GLI4: variants seen among roughly 807,000 people sequenced by gnomAD.
GLI4 encodes the protein GLI family zinc finger 4.
A neutral mutation model predicts 30.9 loss-of-function variants in GLI4; 34 were observed. The ratio of observed to expected loss-of-function variants is 1.10; its 90% CI spans 0.84 to 1.47. The LOEUF is 1.47. Ranked by LOEUF, GLI4 falls within the 40% of genes most tolerant of loss-of-function variation. The pLI, the probability that GLI4 is intolerant of heterozygous loss-of-function variation, is 0.00. For synonymous variants in GLI4, 277 were observed against 236.7 expected, an observed-to-expected ratio of 1.17 and a Z score of -1.56; for missense variants, 696 against 538.9, an observed-to-expected ratio of 1.29 and a Z score of -2.89.
chr8:143,268,059 G>A, intron 1 of GLI4: 1 of 985,462 alleles, frequency 1.0e-6, no homozygotes, highest in Non-Finnish European at 1.2e-6. Flanking sequence ...CCAAGCCAGG[G>A]TCGGGGTGAT....
intron 2 of GLI4, among the ~76,000 whole-genome samples, chr8:143,272,208 G>C (rs1416706800): frequency 6.6e-6 from 1 of 152,170 alleles, no homozygotes; most frequent in Non-Finnish European, 1.5e-5. Flanking sequence ...CCCATGGGCA[G>C]GGCAGGGCCA....
rs1815384981 is a variant in GLI4, at chr8:143,276,256, A to G, written c.583A>G (p.Asn195Asp). The change falls in exon 4 of 4, where the codon AAC becomes GAC. Residue 195 changes from asparagine (N) to aspartate (D), a missense_variant. By Grantham distance (23) the Asn-to-Asp change is conservative (BLOSUM62 1). Coordinates refer to ENST00000340042, the MANE Select transcript of GLI4 (RefSeq NM_138465.4). ...CEACGKSFKY[N>D]SLLLKHQRIH... ...GGCCTGCGGCAAGAGTTTCAAGTAT[A>G]ACTCGCTGCTCCTGAAGCACCAGCG... The G allele has an allele frequency of 6.2e-7, 1 of 1,611,364 alleles. No homozygotes were observed. Among genetic ancestry groups the G allele is most frequent in the Non-Finnish European group, 8.5e-7 (1 of 1,179,214 alleles).
chr8:143,271,853 A>C (rs1057268401), intron 2 of GLI4, among the ~76,000 whole-genome samples: 13 of 152,230 alleles, frequency 8.5e-5, no homozygotes, highest in Admixed American at 6.5e-4. Context: ...ACTTGGGGCC[A>C]TGGCCTAGCC....
In GLI4 at chr8:143,276,344, C is replaced by CG. The variant is rs766990856; in HGVS notation, c.674dup (p.Phe226LeufsTer67). On this transcript the variant is annotated frameshift_variant, in exon 4 of 4. Transcript: ENST00000340042. LOFTEE classifies it high-confidence loss of function. ...TGCGGCAAGCGCTTCCGCGGCTGGT[C>CG]GGGCTTCATCCAGCACCACCGCATC... is the stretch of plus-strand genomic sequence containing the variant. The CG allele has an allele frequency of 6.2e-7, 1 of 1,610,564 alleles. No individual in the cohort carries two copies. The highest frequency in any genetic ancestry group is 8.5e-7 in the Non-Finnish European group (1 of 1,179,076).
chr8:143,273,863 ACT>A (rs1815324634), intron 2 of GLI4, among the ~76,000 whole-genome samples: 3 of 11,600 alleles, frequency 2.6e-4, no homozygotes, highest in Non-Finnish European at 7.5e-4. Context: ...GTGGCACAGC[ACT>A]GAGGGGGCAG....
intron 1 of GLI4, chr8:143,268,111 A>G (rs895732644): frequency 7.1e-6 from 7 of 983,396 alleles, no homozygotes; most frequent in East Asian, 1.1e-4. Flanking sequence ...AAGTTAACTA[A>G]GTAACTTGAG....
rs1292415554 is a variant in GLI4 at position 143,275,921 on chromosome 8, C to T, written c.248C>T (p.Ala83Val). 1.5e-6 allele frequency: 2 copies of T among 1,312,674 alleles called. No homozygotes were observed. The highest frequency in any genetic ancestry group is 1.9e-6 in the Non-Finnish European group (2 of 1,029,288). 81.3% of individuals were successfully genotyped at this position (1,312,674 alleles called of 1,614,324 possible). Residue 83 changes from alanine to valine, a missense_variant, in exon 4 of 4, where the codon GCT (alanine) becomes GTT (valine). Ala to Val is a moderately conservative substitution (Grantham distance 64). Transcript: ENST00000340042. ...GACTCCGAGCCCAAGCCGGAGCAGG[C>T]TCCACGCTCTCCTGGCTCTCAGGCC... ...WPDSEPKPEQ[A>V]PRSPGSQAPD...
In GLI4 at chr8:143,267,659, G is replaced by A. The variant is rs1815166893; in HGVS notation, c.-38+175G>A. 3.5e-5 allele frequency: 34 copies of A among 985,360 alleles called. 1 individual carries two copies. The South Asian group carries it at 1.5e-3, about 42-fold the overall frequency. The allele number at this position is 985,360 out of a possible 1,614,324, so 61.0% of individuals were successfully genotyped here. ...GCCCGGGGAGCGGGGTGGGCTCCTG[G>A]GGGTCGCGGAGCAGCAGCGGACCGC... is the stretch of plus-strand genomic sequence containing the variant. On this transcript the variant is annotated intron_variant, in intron 1 of 3. Coordinates refer to ENST00000340042, the MANE Select transcript of GLI4 (RefSeq NM_138465.4).
intron 1 of GLI4, chr8:143,268,037 C>T (rs1022536110): frequency 9.1e-6 from 9 of 985,438 alleles, no homozygotes; most frequent in South Asian, 4.7e-5. Flanking sequence ...CGCCTCTGCT[C>T]AGTCCTGGGG....
chr8:143,271,378 G>T (rs1815265013), intron 2 of GLI4, among the ~76,000 whole-genome samples: 1 of 152,204 alleles, frequency 6.6e-6, no homozygotes, highest in Non-Finnish European at 1.5e-5. Flanking sequence ...AGAGAGAACG[G>T]GGCCAGGCCG....
At chr8:143,269,272 T>C in intron 1 of GLI4, 88 bp from the exon 2 acceptor site, 1 of 957,482 alleles carries the variant, frequency 1.0e-6, no homozygotes, top group Non-Finnish European at 1.6e-6. Context: ...CATCTCCCCT[T>C]GGAGAGCTGG....
At chr8:143,274,437 C>G (rs576522517) in intron 2 of GLI4, 1 of 308,854 alleles carries the variant, frequency 3.2e-6, no homozygotes, top group African/African-American at 2.2e-5. Context: ...TCAAAGCTCC[C>G]CCAGGTTTTG....
At chr8:143,267,738 A>G (rs1250457634) in intron 1 of GLI4, 7 of 985,176 alleles carry the variant, frequency 7.1e-6, no homozygotes, top group African/African-American at 1.7e-5. Context: ...CGCCTTTCCC[A>G]GGCACCCAGT....
At position 143,276,567 on chromosome 8, in the gene GLI4, C is replaced by G; in HGVS notation, c.894C>G (p.Ser298Arg). The G allele has an allele frequency of 4.3e-6, 7 of 1,612,166 alleles. No homozygotes were observed. The highest frequency in any genetic ancestry group is 5.1e-6 in the Non-Finnish European group (6 of 1,179,500). ...LHTGEKPYACSQCGKAFIWSS... is the reference protein window; with the variant it reads ...LHTGEKPYACRQCGKAFIWSS... ...CGGGTGAGAAGCCCTACGCCTGCAG[C>G]CAGTGCGGCAAGGCCTTCATCTGGA... Residue 298 changes from serine to arginine, a missense_variant, in exon 4 of 4, where the codon AGC becomes AGG. By Grantham distance (110) the Ser-to-Arg change is moderately radical. Transcript: ENST00000340042.
chr8:143,267,731 C>A (rs1815168792), intron 1 of GLI4: 2 of 985,394 alleles, frequency 2.0e-6, no homozygotes, highest in Non-Finnish European at 2.4e-6. Context: ...CGCAGGGCGC[C>A]TTTCCCAGGC....
At chr8:143,271,725 A>T (rs1444654558) in intron 2 of GLI4, among the ~76,000 whole-genome samples, 1 of 151,930 alleles carries the variant, frequency 6.6e-6, no homozygotes, top group Non-Finnish European at 1.5e-5. Context: ...GGAGCAGAGG[A>T]GGTCCCAAGT....
chr8:143,275,043 G>C (rs3817675), intron 3 of GLI4: 766,791 of 1,530,374 alleles, frequency 0.5, 200,582 homozygotes, highest in East Asian at 0.7. Flanking sequence ...GTGGCCCCAC[G>C]TGGACTCCTG....
rs775246920 is a variant in GLI4 at position 143,274,754 on chromosome 8, C to G, written c.175C>G (p.Leu59Val). Reference sequence around the variant, plus strand: ...GCTCTCCCAGCCGTCCGACCTGGATCTCCAAGACGTAGAGGAAGTGGAGAT... The same window carrying G: ...GCTCTCCCAGCCGTCCGACCTGGATGTCCAAGACGTAGAGGAAGTGGAGAT... ...KVLSQPSDLD[L>V]QDVEEVEIGR... The change falls in exon 3 of 4, where the codon CTC becomes GTC. Residue 59 changes from leucine (L) to valine (V), a missense_variant. Transcript: ENST00000340042. The G allele has an allele frequency of 2.5e-6, 4 of 1,572,168 alleles. No homozygotes were observed. The Admixed American group carries it at 7.1e-5, about 28-fold the overall frequency.
chr8:143,275,633 C>G (rs1477834912), intron 3 of GLI4: 15 of 1,233,270 alleles, frequency 1.2e-5, no homozygotes, highest in Non-Finnish European at 1.5e-5. Flanking sequence ...CTCCGTGCAC[C>G]GGCACGGCCG....
Sources: gnomAD v4.1 joint callset for allele counts (sites outside exome capture counted in the v4.1 genomes callset) on GRCh38, gnomAD v4.1.1 for gene constraint, MANE v1.5 for transcripts, NCBI Gene and HGNC (gene_info 2026-07-23, HGNC 2026-07-21) for gene names.